Variants in TPM2 observed in about 807,000 individuals in gnomAD.
TPM2 encodes tropomyosin beta chain.
TPM2 carries 26 observed loss-of-function variants against 41.0 expected under a neutral mutation model. The observed-to-expected ratio is 0.63, with a 90% confidence interval of 0.46 to 0.88. The LOEUF (loss-of-function observed/expected upper bound fraction) is 0.88, where lower values mean the gene tolerates loss of function less well. Ranked by LOEUF, TPM2 falls within the 40% of genes least tolerant of loss-of-function variation. TPM2 has a pLI of 0.00. For missense variants in TPM2, 187 were observed against 355.2 expected (o/e 0.53, Z 3.81); for synonymous variants, 143 against 139.3 (o/e 1.03, Z -0.19).
In TPM2 at chr9:35,685,009, G is replaced by A. The variant is rs1051818897; in HGVS notation, c.564-202C>T. Reference sequence around the variant, plus strand: ...GCAGCCTGCGGTGCTGAGACGGAGGGAAGGTGAGCTGAGAGAAGGCGCCAT... The same window carrying A: ...GCAGCCTGCGGTGCTGAGACGGAGGAAAGGTGAGCTGAGAGAAGGCGCCAT... On this transcript the variant is annotated intron_variant, in intron 5 of 8. Coordinates refer to ENST00000645482, the MANE Select transcript of TPM2 (RefSeq NM_003289.4). The surrounding 1 kb of genome is among the most constrained non-coding windows in gnomAD (Gnocchi z 5.0). 21 of 1,614,030 alleles carry A rather than the reference G, an allele frequency of 1.3e-5. No individual in the cohort carries two copies. Among genetic ancestry groups the A allele is most frequent in the Middle Eastern group, 3.3e-4 (2 of 6,084 alleles).
At position 35,684,814 on chromosome 9, in the gene TPM2, G is replaced by T. The variant is rs1297223004; in HGVS notation, c.564-7C>A. 2 of 1,566,726 alleles carry T rather than the reference G, an allele frequency of 1.3e-6. No homozygotes were observed. Among genetic ancestry groups the T allele is most frequent in the Admixed American group, 1.8e-5 (1 of 54,688 alleles). ...CTCTAGGTCCCCACATTTACTGCAG[G>T]GGGTGTGTGGCGGGGGGGGCAGGGT... On this transcript the variant is annotated splice_region_variant and splice_polypyrimidine_tract_variant and intron_variant, in intron 5 of 8. Transcript: ENST00000645482.
In TPM2 at chr9:35,685,205, C is replaced by T. The variant is rs1329730947; in HGVS notation, c.563+64G>A. 1 of 1,614,138 alleles carries T rather than the reference C, an allele frequency of 6.2e-7. No homozygotes were observed. Among genetic ancestry groups the T allele is most frequent in the Non-Finnish European group, 8.5e-7 (1 of 1,180,010 alleles). The stretch of plus-strand genomic sequence containing the variant: ...CTACAGCCCCAAGCCTAGGATGCTA[C>T]CTTCCCACTGTGTGGAAGGCCCCAG... On this transcript the variant is annotated intron_variant, in intron 5 of 8. Coordinates refer to ENST00000645482, the MANE Select transcript of TPM2 (RefSeq NM_003289.4). The surrounding 1 kb of genome is among the most constrained non-coding windows in gnomAD (Gnocchi z 5.0).
intron 1 of TPM2, 82 bp downstream of exon 1, chr9:35,689,622 C>T (rs1170362364): frequency 3.8e-6 from 6 of 1,597,606 alleles, no homozygotes; most frequent in Non-Finnish European, 4.2e-6. Context: ...GGCGGGCAGG[C>T]CCGGGGCTGG....
chr9:35,687,662 A>G (rs1387486135), intron 2 of TPM2, among the ~76,000 whole-genome samples: 2 of 152,044 alleles, frequency 1.3e-5, no homozygotes, highest in African/African-American at 4.8e-5. Flanking sequence ...ACAGTGTGGA[A>G]GCATTCTGGG....
chr9:35,683,361 AGT>A, intron 8 of TPM2, 120 bp from the exon 9 acceptor site: 1 of 1,009,858 alleles, frequency 9.9e-7, no homozygotes, highest in Non-Finnish European at 1.5e-6. Flanking sequence ...ACAAAGACAG[AGT>A]GAGAGAGGGA....
Position 35,685,807 on chromosome 9 carries a change from A to C in TPM2, c.241-27T>G, listed in dbSNP as rs761245926. ...TGTGGGTCAGAGGTCAGGGGTCAAAAAGGCCTTGTTAGCCTTGGATAAGGA... is the reference window on the plus strand; with the variant it reads ...TGTGGGTCAGAGGTCAGGGGTCAAACAGGCCTTGTTAGCCTTGGATAAGGA... On this transcript the variant is annotated intron_variant, in intron 2 of 8. Coordinates refer to ENST00000645482, the MANE Select transcript of TPM2 (RefSeq NM_003289.4). This position sits in a 1 kb window ranked among gnomAD's most constrained non-coding sequence, Gnocchi z 5.0. 1.1e-5 allele frequency: 17 copies of C among 1,613,744 alleles called. No individual in the cohort carries two copies. The highest frequency in any genetic ancestry group is 1.4e-5 in the Non-Finnish European group (16 of 1,180,032).
At chr9:35,683,939 A>C (rs1172349504) in intron 8 of TPM2, 86 of 386,874 alleles carry the variant, frequency 2.2e-4, no homozygotes, top group Middle Eastern at 1.8e-3. Flanking sequence ...GTACCAGAGA[A>C]CTAGCTAGAA....
chr9:35,684,656 G>A, intron 6 of TPM2, 76 bp downstream of exon 6: 12 of 1,613,090 alleles, frequency 7.4e-6, no homozygotes, highest in Non-Finnish European at 1.0e-5. Flanking sequence ...TGAACACCCA[G>A]CCCCTCCCTG....
At position 35,685,430 on chromosome 9, in the gene TPM2, T is replaced by A. The variant is rs186514939; in HGVS notation, c.492+4A>T. On this transcript the variant is annotated splice_donor_region_variant and intron_variant, in intron 4 of 8. Transcript: ENST00000645482. This position sits in a 1 kb window ranked among gnomAD's most constrained non-coding sequence, Gnocchi z 5.0. ...GCGAGCAGGCAGAGGGGCAAGGCTG[T>A]CACCTCTTCATATTTGCGGTCTGAA... 5 of 1,614,218 alleles carry A rather than the reference T, an allele frequency of 3.1e-6. No individual in the cohort carries two copies. In the African/African-American group the frequency reaches 6.7e-5, roughly 22 times the overall value.
downstream of TPM2, chr9:35,682,583 C>T (rs1015208499): frequency 3.6e-5 from 45 of 1,253,778 alleles, no homozygotes; most frequent in Middle Eastern, 3.5e-4. Flanking sequence ...AGCTCCATTC[C>T]AGACCTTTTG....
chr9:35,683,186 G>A lies in TPM2; in HGVS notation c.828C>T (p.Asn276=), dbSNP rs184997597. The A allele has an allele frequency of 5.8e-6, 9 of 1,555,080 alleles. No homozygotes were observed. Among genetic ancestry groups the A allele is most frequent in the African/African-American group, 5.5e-5 (4 of 73,218 alleles). ...AGAGGGAGGTGATGTCATTGAGTGC[G>A]TTGTCCAGTTCCTCGCTAATGGCCT... ...KYKAISEELD[N]ALNDITSL The change falls in exon 9 of 9, where the codon AAC becomes AAT. Residue 276 remains asparagine, a synonymous_variant. Transcript: ENST00000645482.
At chr9:35,682,239 T>C, downstream of TPM2, 5 of 1,482,440 alleles carry the variant, frequency 3.4e-6, no homozygotes, top group Non-Finnish European at 4.7e-6. Flanking sequence ...CAGGGGAAGG[T>C]GACATATAGA....
At chr9:35,689,382 C>A (rs1207216777) in intron 1 of TPM2, 111 bp from the exon 2 acceptor site, 50 of 1,527,688 alleles carry the variant, frequency 3.3e-5, no homozygotes, top group Admixed American at 3.1e-4. Flanking sequence ...GGGATGGAAG[C>A]GGAATAACAT....
In TPM2 at chr9:35,684,255, C is replaced by A; in HGVS notation, c.763G>T (p.Asp255Tyr). 6.2e-7 allele frequency: 1 copy of A among 1,614,148 alleles called. No homozygotes were observed. The highest frequency in any genetic ancestry group is 1.1e-5 in the South Asian group (1 of 91,068). ...SVAKLEKTID[D>Y]LEDEVYAQKM... ...TAAAGGCTTCTTTTACCTTCTAGGT[C>A]ATCGATGGTTTTCTCCAACTTTGCC... is the stretch of plus-strand genomic sequence containing the variant. The change falls in exon 8 of 9, where the codon GAC becomes TAC. Residue 255 changes from aspartate (D) to tyrosine (Y), a missense_variant. Coordinates refer to ENST00000645482, the MANE Select transcript of TPM2 (RefSeq NM_003289.4).
rs1825135515 is a variant in TPM2 at position 35,689,593 on chromosome 9, C to A, written c.114+111G>T. ...GTACTGCGAAGGCCCAGCCCCCACC[C>A]TGGGTGAGAGAGAGCCTTGGCGGGC... On this transcript the variant is annotated intron_variant, in intron 1 of 8. Transcript: ENST00000645482. The A allele has an allele frequency of 7.0e-6, 11 of 1,580,512 alleles. 1 individual carries two copies. In the South Asian group the frequency reaches 8.9e-5, roughly 13 times the overall value.
At chr9:35,682,195 G>A (rs1189521212), downstream of TPM2, 5 of 1,610,996 alleles carry the variant, frequency 3.1e-6, no homozygotes, top group Admixed American at 8.3e-5. Flanking sequence ...GAGGGAGAAG[G>A]GAGACACAAG....
At chr9:35,682,374 G>A, downstream of TPM2, 1 of 993,738 alleles carries the variant, frequency 1.0e-6, no homozygotes, top group South Asian at 1.6e-5. Context: ...CAAGGCCTTG[G>A]GGTCATAGAG....
Position 35,683,020 on chromosome 9 carries a change from T to C in TPM2, c.*139A>G, listed in dbSNP as rs1472896646. On this transcript the variant is annotated 3_prime_UTR_variant, in exon 9 of 9. Transcript: ENST00000645482. ...GTGCCAGAGTGGGTGGTGGGCATGA[T>C]GGGGGCTCTCCCTAGGCTGCTCCCA... 6.5e-7 allele frequency: 1 copy of C among 1,544,496 alleles called. No homozygotes were observed.
At chr9:35,684,419 C>T in intron 7 of TPM2, 69 bp downstream of exon 7, 1 of 1,612,266 alleles carries the variant, frequency 6.2e-7, no homozygotes, top group Non-Finnish European at 8.5e-7. Context: ...AAGTGTCCTG[C>T]CACAGGCCGT....
Sources: gnomAD v4.1 joint callset for allele counts (sites outside exome capture counted in the v4.1 genomes callset) on GRCh38, gnomAD v4.1.1 for gene constraint, Gnocchi (gnomAD v3.1) non-coding constraint, MANE v1.5 for transcripts, NCBI Gene and HGNC (gene_info 2026-07-23, HGNC 2026-07-21) for gene names.